The following COL5A2 variants were observed in gnomAD, a reference collection of about 807,000 sequenced individuals.
COL5A2 encodes the protein collagen alpha-2(V) chain.
Under a neutral mutation model 208.2 loss-of-function variants are expected in COL5A2, and 23 were observed. The ratio of observed to expected loss-of-function variants is 0.11; its 90% confidence interval spans 0.08 to 0.16. The LOEUF (loss-of-function observed/expected upper bound fraction) is 0.16. Ranked by LOEUF, COL5A2 falls within the 10% of genes least tolerant of loss-of-function variation. COL5A2 has a pLI of 1.00. For synonymous variants in COL5A2, 625 were observed against 628.5 expected, an observed-to-expected ratio of 0.99 and a Z score of 0.08; for missense variants, 1,590 against 1,956.4, an observed-to-expected ratio of 0.81 and a Z score of 3.53.
At chr2:189,080,358 T>C (rs974744307) in intron 13 of COL5A2, among the ~76,000 whole-genome samples, 2 of 151,966 alleles carry the variant, frequency 1.3e-5, no homozygotes, top group Admixed American at 6.6e-5. Flanking sequence ...CATATTGTTA[T>C]AAAATATCAT....
At chr2:189,361,204 A>G in the COL5A2 span, among the ~76,000 whole-genome samples, 253 of 152,140 alleles carry the variant, frequency 1.7e-3, 1 homozygote, top group African/African-American at 5.7e-3. Context: ...TTGAAAGAGG[A>G]TGTCAAAATC....
At chr2:189,120,974 A>C (rs896129077) in intron 1 of COL5A2, among the ~76,000 whole-genome samples, 2 of 152,226 alleles carry the variant, frequency 1.3e-5, no homozygotes, top group Admixed American at 1.3e-4. Flanking sequence ...AGCACTGGGA[A>C]TACAGTTAAA....
upstream of COL5A2, among the ~76,000 whole-genome samples, chr2:189,181,444 G>T (rs1214864677): frequency 6.6e-6 from 1 of 152,194 alleles, no homozygotes; most frequent in Non-Finnish European, 1.5e-5. Context: ...ATCTTAGAGA[G>T]GCTAGGACTT....
At chr2:189,062,841 C>A (rs778456794) in intron 29 of COL5A2, 24 bp downstream of exon 29, 2 of 1,613,778 alleles carry the variant, frequency 1.2e-6, no homozygotes, top group Non-Finnish European at 1.7e-6. Flanking sequence ...TATTCTCACA[C>A]ACACACACAC....
At chr2:189,205,183 T>C (rs1306978424) in intron 1 of COL5A2, among the ~76,000 whole-genome samples, 1 of 152,240 alleles carries the variant, frequency 6.6e-6, no homozygotes, top group African/African-American at 2.4e-5. Flanking sequence ...ACACAGCTTA[T>C]TCTGTTTCCC....
intron 1 of COL5A2, among the ~76,000 whole-genome samples, chr2:189,139,286 AAATT>A (rs1370814224): frequency 2.0e-5 from 3 of 152,192 alleles, no homozygotes; most frequent in Non-Finnish European, 2.9e-5. Flanking sequence ...AAAAATAAAT[AAATT>A]AATTAATTAT....
chr2:189,273,437 GA>G, the COL5A2 span, among the ~76,000 whole-genome samples: 1 of 152,084 alleles, frequency 6.6e-6, no homozygotes, highest in African/African-American at 2.4e-5. Flanking sequence ...ATTAAAAAAA[GA>G]AGGTTCATCA....
the COL5A2 span, among the ~76,000 whole-genome samples, chr2:189,289,593 C>A: frequency 6.6e-6 from 1 of 152,144 alleles, no homozygotes; most frequent in Non-Finnish European, 1.5e-5. Flanking sequence ...GAAGTTAAAT[C>A]ATTCCTGTTT....
At chr2:189,439,313 G>A in the COL5A2 span, among the ~76,000 whole-genome samples, 2 of 152,126 alleles carry the variant, frequency 1.3e-5, no homozygotes, top group Middle Eastern at 3.2e-3. Context: ...AGAATGTCTG[G>A]CATATACTAG....
chr2:189,117,662 C>T (rs1687419459), intron 1 of COL5A2, among the ~76,000 whole-genome samples: 3 of 151,962 alleles, frequency 2.0e-5, no homozygotes, highest in Admixed American at 2.0e-4. Context: ...CTCTGGTCAC[C>T]TTACCAAAAA....
chr2:189,288,670 T>TA, the COL5A2 span, among the ~76,000 whole-genome samples: 6 of 151,870 alleles, frequency 4.0e-5, no homozygotes, highest in Non-Finnish European at 5.9e-5. Context: ...TCAATTTCTC[T>TA]AAAAAAAACT....
At chr2:189,187,006 T>G (rs1470696925) in intron 1 of COL5A2, among the ~76,000 whole-genome samples, 1 of 152,226 alleles carries the variant, frequency 6.6e-6, no homozygotes, top group Non-Finnish European at 1.5e-5. Context: ...AAAGTTTGCA[T>G]TTTACATTTT....
chr2:189,053,353 A>G, intron 38 of COL5A2, 71 bp downstream of exon 38: 1 of 1,331,820 alleles, frequency 7.5e-7, no homozygotes. Context: ...AAAACATATG[A>G]CAATGATCAT....
the COL5A2 span, among the ~76,000 whole-genome samples, chr2:189,270,314 T>C: frequency 6.6e-6 from 1 of 152,198 alleles, no homozygotes; most frequent in Non-Finnish European, 1.5e-5. Flanking sequence ...CTAGTTCTTT[T>C]AATTGTAATG....
chr2:189,169,221 A>G (rs1215711524), intron 1 of COL5A2, among the ~76,000 whole-genome samples: 1 of 152,222 alleles, frequency 6.6e-6, no homozygotes, highest in Non-Finnish European at 1.5e-5. Flanking sequence ...TTCACAAACT[A>G]AACTCTGAAG....
At chr2:189,286,494 G>A in the COL5A2 span, among the ~76,000 whole-genome samples, 1 of 151,998 alleles carries the variant, frequency 6.6e-6, no homozygotes, top group Non-Finnish European at 1.5e-5. Flanking sequence ...TTGAAGTATT[G>A]CTTTATTTTT....
chr2:189,311,996 G>A, the COL5A2 span: 7 of 750,386 alleles, frequency 9.3e-6, no homozygotes, highest in African/African-American at 1.7e-5. Flanking sequence ...GCCCATGGAT[G>A]TCACTCTCCA....
At chr2:189,326,151 T>G in the COL5A2 span, among the ~76,000 whole-genome samples, 1 of 151,664 alleles carries the variant, frequency 6.6e-6, no homozygotes, top group African/African-American at 2.4e-5. Flanking sequence ...GAGAATTGTA[T>G]GTGAGATCAC....
At chr2:189,418,883 G>A in the COL5A2 span, among the ~76,000 whole-genome samples, 7 of 152,134 alleles carry the variant, frequency 4.6e-5, no homozygotes, top group East Asian at 1.3e-3. Context: ...CTGGGAATTG[G>A]GGGAGTAAAT....
Sources: gnomAD v4.1 joint callset for allele counts (sites outside exome capture counted in the v4.1 genomes callset) on GRCh38, gnomAD v4.1.1 for gene constraint, MANE v1.5 for transcripts, NCBI Gene and HGNC (gene_info 2026-07-23, HGNC 2026-07-21) for gene names.